Variants in PRICKLE3 observed in about 807,000 individuals in gnomAD.
The protein encoded by PRICKLE3 is prickle planar cell polarity protein 3.
In PRICKLE3, 17 loss-of-function variants were observed where a neutral mutation model predicts 33.8. The observed-to-expected ratio is 0.50, with a 90% CI of 0.34 to 0.75. The LOEUF is 0.75. Ranked by LOEUF, PRICKLE3 falls within the 30% of genes least tolerant of loss-of-function variation. PRICKLE3 has a pLI of 0.01. For synonymous variants in PRICKLE3, 211 were observed against 219.6 expected (o/e 0.96, Z 0.34); for missense variants, 573 against 576.7 (o/e 0.99, Z 0.07).
intron 3 of PRICKLE3, among the ~76,000 whole-genome samples, chrX:49,180,401 C>T (rs1176337833): frequency 1.8e-5 from 2 of 111,194 alleles, no homozygotes; most frequent in African/African-American, 6.6e-5. Flanking sequence ...TGTGTTCACT[C>T]CACTTCCTGT....
chrX:49,184,000 G>A (rs2065470596), intron 2 of PRICKLE3, 83 bp from the exon 3 acceptor site: 1 of 1,078,746 alleles, frequency 9.3e-7, no homozygotes, highest in Non-Finnish European at 1.2e-6. Flanking sequence ...GGAGGAGCGG[G>A]GACATACAGA....
rs1557101677 is a variant in PRICKLE3, at chrX:49,184,760, GA to G, written c.43-51del. On this transcript the variant is annotated intron_variant, in intron 1 of 8. Transcript: ENST00000599218. ...GGGCCGGGTGAGGCGCGGAAGCAGG[GA>G]AGGAGAAGTCAACGCCCGCCCCTCC... is the stretch of plus-strand genomic sequence containing the variant. 4 of 1,161,553 alleles carry G rather than the reference GA, an allele frequency of 3.4e-6. No individual in the cohort carries two copies. The East Asian group carries it at 1.3e-4, about 38-fold the overall frequency.
In PRICKLE3 at chrX:49,178,835, C is replaced by G. The variant is rs781864153; in HGVS notation, c.565-360G>C. On this transcript the variant is annotated intron_variant, in intron 5 of 8. Coordinates refer to ENST00000599218, the MANE Select transcript of PRICKLE3 (RefSeq NM_006150.5). ...GACCTTAGCAATAGATCTCACCTAA[C>G]AGTAGGATCTAAGGACAGGCCCTGC... Among the ~76,000 whole-genome samples, 7 of 111,702 alleles carry G rather than the reference C, an allele frequency of 6.3e-5. No individual in the cohort carries two copies. The East Asian group carries it at 1.7e-3, about 27-fold the overall frequency.
Position 49,177,133 on chromosome X carries a change from C to G in PRICKLE3, c.1025G>C (p.Ser342Thr), listed in dbSNP as rs368247945. 3 of 1,200,805 alleles carry G rather than the reference C, an allele frequency of 2.5e-6. No individual in the cohort carries two copies. In the African/African-American group the frequency reaches 5.2e-5, roughly 21 times the overall value. ...WHASDRCFCCSRCGRALLGRP... is the reference protein window; with the variant it reads ...WHASDRCFCCTRCGRALLGRP... ...GCCCAGCAGGGCCCGCCCACAGCGA[C>G]TACAGCAGAAGCAGCGGTCTGAGGC... The change falls in exon 8 of 9, where the codon AGT (serine) becomes ACT (threonine). Residue 342 changes from serine to threonine, a missense_variant. Physicochemically the swap from Ser to Thr is moderately conservative, Grantham distance 58. Transcript: ENST00000599218.
rs2065436327 is a variant in PRICKLE3 at position 49,179,289 on chromosome X, T to C, written c.526A>G (p.Ile176Val). ...RENLGRGIVRIFPVTITGAIC... is the reference protein window; with the variant it reads ...RENLGRGIVRVFPVTITGAIC... The stretch of plus-strand genomic sequence containing the variant: ...GCCCCAGTGATGGTCACCGGGAAGA[T>C]GCGCACGATGCCACGCCCCAGATTC... The change falls in exon 5 of 9, where the codon ATC (isoleucine) becomes GTC (valine). Residue 176 changes from isoleucine to valine, a missense_variant. By Grantham distance (29) the Ile-to-Val change is conservative. Coordinates refer to ENST00000599218, the MANE Select transcript of PRICKLE3 (RefSeq NM_006150.5). 4 of 1,211,294 alleles carry C rather than the reference T, an allele frequency of 3.3e-6. No homozygotes were observed. Among genetic ancestry groups the C allele is most frequent in the Non-Finnish European group, 4.5e-6 (4 of 895,289 alleles).
intron 5 of PRICKLE3, among the ~76,000 whole-genome samples, chrX:49,178,737 C>T (rs938582576): frequency 1.8e-5 from 2 of 112,421 alleles, no homozygotes; most frequent in African/African-American, 3.2e-5. Context: ...GCAAGCCTCC[C>T]TCATCAGGGG....
intron 1 of PRICKLE3, 32 bp from the exon 2 acceptor site, chrX:49,184,742 G>C (rs1425563335): frequency 4.3e-6 from 5 of 1,161,927 alleles, no homozygotes; most frequent in Non-Finnish European, 5.8e-6. Flanking sequence ...GCAGGGCCGG[G>C]TGAGGCGCGG....
At chrX:49,182,974 C>T (rs2065464319) in intron 3 of PRICKLE3, among the ~76,000 whole-genome samples, 1 of 110,950 alleles carries the variant, frequency 9.0e-6, no homozygotes, top group African/African-American at 3.3e-5. Flanking sequence ...CAGGTGTGCA[C>T]CACCACACCT....
chrX:49,184,904 T>C, intron 1 of PRICKLE3, 194 bp from the exon 2 acceptor site: 1 of 1,123,052 alleles, frequency 8.9e-7, no homozygotes, highest in Non-Finnish European at 1.2e-6. Context: ...GCGGGGCAGT[T>C]GGAGCCACCT....
chrX:49,180,574 C>T (rs1487459139), intron 3 of PRICKLE3, among the ~76,000 whole-genome samples: 3 of 111,328 alleles, frequency 2.7e-5, no homozygotes, highest in Non-Finnish European at 3.8e-5. Context: ...TGACCACTCT[C>T]TCTTCCTGGA....
intron 3 of PRICKLE3, among the ~76,000 whole-genome samples, chrX:49,180,035 C>CAT (rs781853338): frequency 3.7e-5 from 2 of 54,384 alleles, no homozygotes; most frequent in African/African-American, 1.5e-4. Context: ...TGCTGATCAC[C>CAT]TTTTTTTTTT....
In PRICKLE3 at chrX:49,175,708, G is replaced by C. The variant is rs1385046189; in HGVS notation, c.1813C>G (p.Arg605Gly). Reference protein sequence around the residue: ...LPRDSRAGMPRQARDKNCIVA With the variant: ...LPRDSRAGMPGQARDKNCIVA ...ATGCAGTTCTTGTCTCGGGCCTGAC[G>C]AGGCATCCCTGCGCGAGAGTCCCTG... is the stretch of plus-strand genomic sequence containing the variant. The change falls in exon 9 of 9, where the codon CGT becomes GGT. Residue 605 changes from arginine to glycine, a missense_variant. Arg to Gly is a moderately radical substitution (Grantham distance 125). Transcript: ENST00000599218. The C allele has an allele frequency of 1.7e-6, 2 of 1,211,563 alleles. No homozygotes were observed.
chrX:49,181,274 G>A (rs1239612364), intron 3 of PRICKLE3, among the ~76,000 whole-genome samples: 1 of 105,000 alleles, frequency 9.5e-6, no homozygotes, highest in Admixed American at 1.1e-4. Flanking sequence ...AGGCTGAGGT[G>A]GGAGGATCAC....
chrX:49,181,750 G>A (rs186029832), intron 3 of PRICKLE3, among the ~76,000 whole-genome samples: 49 of 103,322 alleles, frequency 4.7e-4, no homozygotes, highest in African/African-American at 1.5e-3. Context: ...GGGTTCAAGC[G>A]CTTCTCCTGC....
intron 3 of PRICKLE3, among the ~76,000 whole-genome samples, chrX:49,181,584 T>C (rs1421301179): frequency 1.4e-3 from 82 of 58,575 alleles, no homozygotes; most frequent in African/African-American, 5.2e-3. Flanking sequence ...CGTATATATA[T>C]ACGCGTGTAT....
At chrX:49,185,230 G>A (rs1557101743) in intron 1 of PRICKLE3, among the ~76,000 whole-genome samples, 1 of 111,074 alleles carries the variant, frequency 9.0e-6, no homozygotes, top group African/African-American at 3.3e-5. Flanking sequence ...AAGCTCAGGA[G>A]CTCCTCCCCT....
Position 49,176,887 on chromosome X carries a change from T to C in PRICKLE3, c.1255+16A>G. On this transcript the variant is annotated intron_variant, in intron 8 of 8. Transcript: ENST00000599218. ...TGACTGGGCTGTGGCTGGGTGTGGC[T>C]AGAGGGTTAGCTCACCTGGCGCTAA... is the stretch of plus-strand genomic sequence containing the variant. 8.5e-7 allele frequency: 1 copy of C among 1,179,719 alleles called. No individual in the cohort carries two copies. The highest frequency in any genetic ancestry group is 1.1e-6 in the Non-Finnish European group (1 of 879,816).
At chrX:49,180,753 C>G (rs1264978133) in intron 3 of PRICKLE3, among the ~76,000 whole-genome samples, 1 of 111,592 alleles carries the variant, frequency 9.0e-6, no homozygotes, top group Non-Finnish European at 1.9e-5. Context: ...TGTCTACATT[C>G]AATTTCTTGG....
At position 49,184,779 on chromosome X, in the gene PRICKLE3, G is replaced by T. The variant is rs782667155; in HGVS notation, c.43-69C>A. ...AGCAGGGAAGGAGAAGTCAACGCCC[G>T]CCCCTCCACTTCATTGCCCGCGACC... is the stretch of plus-strand genomic sequence containing the variant. On this transcript the variant is annotated intron_variant, in intron 1 of 8. Coordinates refer to ENST00000599218, the MANE Select transcript of PRICKLE3 (RefSeq NM_006150.5). The T allele has an allele frequency of 1.4e-5, 16 of 1,160,188 alleles. No homozygotes were observed. The African/African-American group carries it at 2.9e-4, about 21-fold the overall frequency.
Sources: gnomAD v4.1 joint callset for allele counts (sites outside exome capture counted in the v4.1 genomes callset) on GRCh38, gnomAD v4.1.1 for gene constraint, MANE v1.5 for transcripts, NCBI Gene and HGNC (gene_info 2026-07-23, HGNC 2026-07-21) for gene names.